KCNC2: variants seen among roughly 807,000 people sequenced by gnomAD.
The protein encoded by KCNC2 is voltage-gated potassium channel KCNC2.
A neutral mutation model predicts 44.5 loss-of-function variants in KCNC2; 21 were observed. That is an observed-to-expected ratio of 0.47 (90% CI 0.33 to 0.68). The LOEUF is 0.68. Among genes scored for constraint, KCNC2 ranks in the 30% least tolerant of loss-of-function variants. The pLI is 0.01. For synonymous variants in KCNC2, 391 were observed against 339.1 expected (o/e 1.15, Z -1.68); for missense variants, 589 against 826.2 (o/e 0.71, Z 3.52).
At chr12:75,148,821 T>G (rs143364492) in intron 2 of KCNC2, among the ~76,000 whole-genome samples, 150 of 152,066 alleles carry the variant, frequency 9.9e-4, no homozygotes, top group Non-Finnish European at 1.5e-3. Flanking sequence ...TATTCTGAAT[T>G]CAGTTTTGTT....
rs1884732699 is a variant in KCNC2, at chr12:75,083,976, T to C, written c.688-32659A>G. 2.0e-5 allele frequency among the ~76,000 whole-genome samples: 3 copies of C among 152,002 alleles called. No homozygotes were observed. The South Asian group carries it at 6.2e-4, about 31-fold the overall frequency. ...CTATATTCTTCTATGAAGTGGATTG[T>C]GAAAGCACTGATGTTTCTAAATTGG... On this transcript the variant is annotated intron_variant, in intron 2 of 4. Coordinates refer to ENST00000549446, the MANE Select transcript of KCNC2 (RefSeq NM_139137.4).
intron 2 of KCNC2, among the ~76,000 whole-genome samples, chr12:75,052,790 T>C (rs12424251): frequency 0.16 from 24,739 of 152,040 alleles, 2,226 homozygotes; most frequent in Middle Eastern, 0.26. Flanking sequence ...CTAAAATATC[T>C]TAGGACTGTG....
chr12:75,065,905 G>C (rs1053570607), intron 2 of KCNC2, among the ~76,000 whole-genome samples: 1 of 151,796 alleles, frequency 6.6e-6, no homozygotes. Flanking sequence ...AGTATGATCC[G>C]GCTTCCCTTG....
At chr12:75,072,267 T>G (rs985233628) in intron 2 of KCNC2, among the ~76,000 whole-genome samples, 2 of 152,134 alleles carry the variant, frequency 1.3e-5, no homozygotes, top group East Asian at 3.9e-4. Context: ...CCTTGACAGT[T>G]TTGAGCACTG....
At chr12:75,103,270 C>T (rs907372554) in intron 2 of KCNC2, among the ~76,000 whole-genome samples, 19 of 152,144 alleles carry the variant, frequency 1.2e-4, no homozygotes, top group Admixed American at 8.5e-4. Context: ...ATTATGGTTC[C>T]CAATTCTTTA....
chr12:75,141,609 A>C (rs937817361), intron 2 of KCNC2, among the ~76,000 whole-genome samples: 47 of 152,032 alleles, frequency 3.1e-4, no homozygotes, highest in Non-Finnish European at 2.5e-4. Flanking sequence ...ATTTTAAAAA[A>C]TTTATTCATT....
intron 2 of KCNC2, among the ~76,000 whole-genome samples, chr12:75,126,106 C>T (rs75057867): frequency 0.023 from 3,525 of 152,102 alleles, 137 homozygotes; most frequent in African/African-American, 0.08. Flanking sequence ...ACCCGAGTCT[C>T]TCTTCTCTCA....
intron 2 of KCNC2, among the ~76,000 whole-genome samples, chr12:75,070,918 A>C (rs1318736656): frequency 6.6e-6 from 1 of 152,196 alleles, no homozygotes; most frequent in African/African-American, 2.4e-5. Flanking sequence ...TTCTTTTAAA[A>C]TTAATAGTCC....
chr12:75,181,806 T>A (rs2137647783), intron 2 of KCNC2, among the ~76,000 whole-genome samples: 1 of 151,606 alleles, frequency 6.6e-6, no homozygotes, highest in African/African-American at 2.4e-5. Flanking sequence ...ACCACAATAA[T>A]TAACAATAAT....
chr12:75,201,262 G>GAAA lies in KCNC2; in HGVS notation c.687+6032_687+6034dup, dbSNP rs1313998973. On this transcript the variant is annotated intron_variant, in intron 2 of 4. Transcript: ENST00000549446. ...GGGCAGAAAGTTACAAACGAAATTG[G>GAAA]AAAAAAAAAAAAAAAAAAAAAAAAA... 1.7e-3 allele frequency among the ~76,000 whole-genome samples: 32 copies of GAAA among 18,466 alleles called. 9 individuals carry two copies. Among genetic ancestry groups the GAAA allele is most frequent in the Non-Finnish European group, 2.8e-3 (28 of 9,910 alleles). The allele number at this position is 18,466 out of a possible 152,430, so 12.1% of individuals were successfully genotyped here.
chr12:75,172,039 C>T (rs1441925347), intron 2 of KCNC2, among the ~76,000 whole-genome samples: 1 of 151,656 alleles, frequency 6.6e-6, no homozygotes, highest in East Asian at 1.9e-4. Flanking sequence ...AATAAATAGC[C>T]ATCACCATAC....
At chr12:75,166,319 T>G (rs1891448145) in intron 2 of KCNC2, among the ~76,000 whole-genome samples, 1 of 150,870 alleles carries the variant, frequency 6.6e-6, no homozygotes, top group South Asian at 2.1e-4. Flanking sequence ...AAGCAAAAAC[T>G]GACAGAATTA....
intron 2 of KCNC2, among the ~76,000 whole-genome samples, chr12:75,111,174 A>C (rs909648338): frequency 2.6e-5 from 4 of 152,136 alleles, no homozygotes; most frequent in Admixed American, 6.6e-5. Context: ...TTAGCTGTTT[A>C]TATGTGCTGT....
intron 2 of KCNC2, among the ~76,000 whole-genome samples, chr12:75,119,123 C>T (rs1399290421): frequency 6.6e-6 from 1 of 152,148 alleles, no homozygotes; most frequent in East Asian, 1.9e-4. Flanking sequence ...CTGAATACCC[C>T]CTTCCATGGT....
intron 2 of KCNC2, among the ~76,000 whole-genome samples, chr12:75,204,590 C>G (rs932596367): frequency 6.6e-6 from 1 of 152,060 alleles, no homozygotes; most frequent in Admixed American, 6.5e-5. Flanking sequence ...TTAAATACTT[C>G]TATTAAGAAT....
At chr12:75,155,593 T>C (rs1890701256) in intron 2 of KCNC2, among the ~76,000 whole-genome samples, 2 of 151,806 alleles carry the variant, frequency 1.3e-5, no homozygotes, top group African/African-American at 4.8e-5. Flanking sequence ...TAAAAATTAA[T>C]ATCTAATCTC....
chr12:75,086,471 C>T (rs576599969), intron 2 of KCNC2, among the ~76,000 whole-genome samples: 32 of 151,936 alleles, frequency 2.1e-4, no homozygotes, highest in East Asian at 9.7e-4. Flanking sequence ...TTACCTTCTT[C>T]GTGTGTCTCC....
At chr12:75,189,239 T>G (rs1228275214) in intron 2 of KCNC2, among the ~76,000 whole-genome samples, 2 of 152,142 alleles carry the variant, frequency 1.3e-5, no homozygotes, top group African/African-American at 4.8e-5. Flanking sequence ...AACAATATTG[T>G]TTTTCAGTCA....
intron 2 of KCNC2, among the ~76,000 whole-genome samples, chr12:75,145,556 C>A (rs534035991): frequency 6.6e-6 from 1 of 151,670 alleles, no homozygotes; most frequent in Admixed American, 6.6e-5. Context: ...TATATGACCC[C>A]GTTAATATAC....
Sources: allele counts gnomAD v4.1 joint callset (sites outside exome capture counted in the v4.1 genomes callset), GRCh38; gene constraint gnomAD v4.1.1; transcripts MANE v1.5; gene names NCBI Gene and HGNC (gene_info 2026-07-23, HGNC 2026-07-21).